KAZN: variants seen among roughly 807,000 people sequenced by gnomAD.
KAZN encodes kazrin, periplakin interacting protein, also known as kazrin.
Under a neutral mutation model 87.4 loss-of-function variants are expected in KAZN, and 40 were observed. The observed-to-expected ratio is 0.46, with a 90% CI of 0.36 to 0.60. The LOEUF is 0.60. KAZN is among the 20% of genes least tolerant of loss of function. The probability of loss-of-function intolerance (pLI) is 0.00; values close to 1 mark genes in which losing one functional copy is unlikely to be tolerated. For synonymous variants in KAZN, 466 were observed against 458.3 expected, an observed-to-expected ratio of 1.02 and a Z score of -0.22; for missense variants, 898 against 1,073.9, an observed-to-expected ratio of 0.84 and a Z score of 2.29.
At chr1:14,602,870 T>A (rs1285607574) in intron 1 of KAZN, among the ~76,000 whole-genome samples, 1 of 152,258 alleles carries the variant, frequency 6.6e-6, no homozygotes, top group Non-Finnish European at 1.5e-5. Context: ...CAAGTGGACG[T>A]GCTGATAGCA....
chr1:14,729,338 C>T (rs1397883238), intron 1 of KAZN, among the ~76,000 whole-genome samples: 2 of 152,250 alleles, frequency 1.3e-5, no homozygotes, highest in Admixed American at 6.5e-5. Context: ...TTATCCAAGA[C>T]GTGCACCTGG....
chr1:14,599,247 G>T lies in KAZN; in HGVS notation c.226+24G>T, dbSNP rs746851368. The T allele has an allele frequency of 7.4e-7, 1 of 1,346,252 alleles. No homozygotes were observed. The highest frequency in any genetic ancestry group is 9.5e-7 in the Non-Finnish European group (1 of 1,053,472). 83.4% of individuals were successfully genotyped at this position (1,346,252 alleles called of 1,614,324 possible). ...AGGTAGGATCGCCCCGGCGCCCAGG[G>T]CGGAGGAAGGCGAGCAGAGCACGCC... On this transcript the variant is annotated intron_variant, in intron 1 of 14. Transcript: ENST00000376030. The surrounding 1 kb of genome is among the most constrained non-coding windows in gnomAD (Gnocchi z 4.4).
intron 1 of KAZN, among the ~76,000 whole-genome samples, chr1:14,844,270 G>T (rs963155508): frequency 5.9e-5 from 9 of 152,146 alleles, no homozygotes. Flanking sequence ...TAAGTAAAAT[G>T]ATTTGCCTCT....
At chr1:14,365,782 A>C (rs989550860) in intron 2 of KAZN, among the ~76,000 whole-genome samples, 2 of 152,248 alleles carry the variant, frequency 1.3e-5, no homozygotes, top group Non-Finnish European at 2.9e-5. Context: ...TTAAAAAATA[A>C]TACTTTCTAG....
chr1:14,962,184 C>G (rs890142270), intron 2 of KAZN, among the ~76,000 whole-genome samples: 2 of 152,358 alleles, frequency 1.3e-5, no homozygotes, highest in Middle Eastern at 3.4e-3. Flanking sequence ...GTCCAGTGCC[C>G]AGCTGACTAT....
intron 2 of KAZN, among the ~76,000 whole-genome samples, chr1:14,357,654 G>C (rs1659150461): frequency 6.6e-6 from 1 of 152,178 alleles, no homozygotes; most frequent in Admixed American, 6.5e-5. Context: ...TTTTATCAAA[G>C]GCCATTTCTG....
intron 1 of KAZN, among the ~76,000 whole-genome samples, chr1:14,800,096 T>G (rs1645960674): frequency 6.6e-6 from 1 of 152,086 alleles, no homozygotes; most frequent in Admixed American, 6.5e-5. Flanking sequence ...ATGAGCCAGA[T>G]GAGGAGACAG....
At chr1:14,408,164 C>T (rs1316740166) in intron 2 of KAZN, among the ~76,000 whole-genome samples, 2 of 152,196 alleles carry the variant, frequency 1.3e-5, no homozygotes, top group Non-Finnish European at 2.9e-5. Flanking sequence ...GTCCTCTCTG[C>T]AAATGCTTAC....
intron 11 of KAZN, among the ~76,000 whole-genome samples, chr1:15,103,082 G>A (rs1257973265): frequency 6.6e-6 from 1 of 152,212 alleles, no homozygotes; most frequent in African/African-American, 2.4e-5. Context: ...GGCCAACATG[G>A]TGAAACCCCA....
chr1:13,911,924 A>G (rs1371278992), intron 1 of KAZN, among the ~76,000 whole-genome samples: 2 of 152,156 alleles, frequency 1.3e-5, no homozygotes, highest in Non-Finnish European at 2.9e-5. Context: ...TCAGATTTGC[A>G]TTCTGGCTGT....
chr1:14,289,711 G>T (rs1398452399), intron 2 of KAZN, among the ~76,000 whole-genome samples: 1 of 152,104 alleles, frequency 6.6e-6, no homozygotes, highest in Non-Finnish European at 1.5e-5. Flanking sequence ...GTGTGAGTTT[G>T]ATCCTGTCAT....
intron 2 of KAZN, among the ~76,000 whole-genome samples, chr1:14,359,341 GA>G (rs1659310420): frequency 6.6e-6 from 1 of 151,644 alleles, no homozygotes; most frequent in African/African-American, 2.4e-5. Context: ...TTGCACATGA[GA>G]TGGGTCTCCT....
chr1:14,401,758 TATC>T (rs1233252889), intron 2 of KAZN, among the ~76,000 whole-genome samples: 2 of 152,106 alleles, frequency 1.3e-5, no homozygotes, highest in African/African-American at 2.4e-5. Flanking sequence ...GGAAAAATAA[TATC>T]ATTAGTTCAG....
chr1:14,904,471 C>T (rs1656278629), intron 1 of KAZN, among the ~76,000 whole-genome samples: 1 of 152,198 alleles, frequency 6.6e-6, no homozygotes, highest in East Asian at 1.9e-4. Context: ...CAGTTCCAAA[C>T]AAGAGACACC....
At chr1:15,044,270 G>GGGGGGGGGGGGCCCC in intron 4 of KAZN, 111 bp downstream of exon 4, 1 of 413,324 alleles carries the variant, frequency 2.4e-6, no homozygotes, top group Non-Finnish European at 4.2e-6. Flanking sequence ...GGTGGGTGGG[G>GGGGGGGGGGGGCCCC]CAGAGCAGAA....
chr1:14,868,070 A>G (rs1308207197), intron 1 of KAZN, among the ~76,000 whole-genome samples: 1 of 151,698 alleles, frequency 6.6e-6, no homozygotes, highest in Non-Finnish European at 1.5e-5. Flanking sequence ...AGCATTGCAT[A>G]CACAGGCATC....
chr1:14,310,265 G>A (rs769412281), intron 2 of KAZN, among the ~76,000 whole-genome samples: 7 of 152,126 alleles, frequency 4.6e-5, no homozygotes, highest in Non-Finnish European at 1.0e-4. Context: ...AAAAAAGGAA[G>A]GTGTGGAAGA....
intron 3 of KAZN, among the ~76,000 whole-genome samples, chr1:15,041,463 G>T (rs1034401021): frequency 2.0e-5 from 3 of 149,956 alleles, no homozygotes; most frequent in African/African-American, 7.4e-5. Context: ...TCAGCCTCCC[G>T]AGTAGCTGGG....
rs200294643 is a variant in KAZN, at chr1:14,360,494, G to A, written c.249+179902G>A. On this transcript the variant is annotated intron_variant, in intron 2 of 16. Coordinates refer to the KAZN transcript ENST00000636203. ...GGTTTTGTTCCATTGGTGGTGAGGAGCTGTGATCCTTTGGAGGAGAAGAGG... is the reference window on the plus strand; with the variant it reads ...GGTTTTGTTCCATTGGTGGTGAGGAACTGTGATCCTTTGGAGGAGAAGAGG... Among the ~76,000 whole-genome samples the A allele has an allele frequency of 9.2e-5, 14 of 152,234 alleles. No homozygotes were observed. The East Asian group carries it at 2.5e-3, about 27-fold the overall frequency.
Sources: gnomAD v4.1 joint callset for allele counts (sites outside exome capture counted in the v4.1 genomes callset) on GRCh38, gnomAD v4.1.1 for gene constraint, Gnocchi (gnomAD v3.1) non-coding constraint, MANE v1.5 for transcripts, NCBI Gene and HGNC (gene_info 2026-07-23, HGNC 2026-07-21) for gene names.